Variants in POLR1E observed in about 807,000 individuals in gnomAD.
The protein encoded by POLR1E is RNA polymerase I subunit E.
A neutral mutation model predicts 50.9 loss-of-function variants in POLR1E; 37 were observed. That is an observed-to-expected ratio of 0.73 (90% confidence interval 0.56 to 0.96). POLR1E has a LOEUF of 0.96. Among genes scored for constraint, POLR1E ranks in the 40% least tolerant of loss-of-function variants. POLR1E has a pLI of 0.00. For missense variants in POLR1E, 426 were observed against 518.1 expected (o/e 0.82, Z 1.73); for synonymous variants, 166 against 191.6 (o/e 0.87, Z 1.10).
chr9:37,494,977 C>G (rs1314209048), intron 6 of POLR1E, among the ~76,000 whole-genome samples, 192 bp from the exon 7 acceptor site: 1 of 152,180 alleles, frequency 6.6e-6, no homozygotes, highest in Non-Finnish European at 1.5e-5. Flanking sequence ...CAGTGCCTAG[C>G]TTGTGTTTGT....
At chr9:37,495,357 G>A (rs138299677) in intron 7 of POLR1E, 81 bp downstream of exon 7, 1 of 1,156,776 alleles carries the variant, frequency 8.6e-7, no homozygotes, top group African/African-American at 1.5e-5. Flanking sequence ...TTCTCTGAGG[G>A]TGTCTGTGTT....
chr9:37,489,918 C>T (rs1820649888), intron 4 of POLR1E, among the ~76,000 whole-genome samples: 1 of 152,122 alleles, frequency 6.6e-6, no homozygotes, highest in Non-Finnish European at 1.5e-5. Flanking sequence ...CCTAATGTAC[C>T]AGGCACCAAG....
chr9:37,493,115 T>A (rs1010158632), intron 5 of POLR1E, among the ~76,000 whole-genome samples: 1 of 152,252 alleles, frequency 6.6e-6, no homozygotes, highest in Non-Finnish European at 1.5e-5. Flanking sequence ...CACCCCAAGA[T>A]GACAAACTGA....
chr9:37,491,846 A>G (rs1820690435), intron 4 of POLR1E, among the ~76,000 whole-genome samples: 1 of 152,202 alleles, frequency 6.6e-6, no homozygotes, highest in Non-Finnish European at 1.5e-5. Context: ...CTTTGCAAAC[A>G]TATATAACTA....
rs1472659002 is a variant in POLR1E at position 37,498,267 on chromosome 9, A to G, written c.886+43A>G. On this transcript the variant is annotated intron_variant, in intron 9 of 11. Transcript: ENST00000377798. ...ATTTTATTCTAATTGTTTCCAGTAT[A>G]TTATTTGTCTGTAATTCTTAGATGA... 3 of 1,572,840 alleles carry G rather than the reference A, an allele frequency of 1.9e-6. No homozygotes were observed. The Admixed American group carries it at 5.3e-5, about 28-fold the overall frequency.
At chr9:37,501,513 C>A (rs755293560) in intron 10 of POLR1E, among the ~76,000 whole-genome samples, 200 bp from the exon 11 acceptor site, 13 of 152,200 alleles carry the variant, frequency 8.5e-5, no homozygotes, top group Non-Finnish European at 1.8e-4. Context: ...CAGAGGGAAA[C>A]ATGGACTGGC....
intron 3 of POLR1E, among the ~76,000 whole-genome samples, chr9:37,488,964 T>C (rs10814545): frequency 0.26 from 40,092 of 151,936 alleles, 5,674 homozygotes; most frequent in African/African-American, 0.35. Flanking sequence ...CAGGGCCAGG[T>C]GCAGTGGCTC....
intron 4 of POLR1E, 44 bp downstream of exon 4, chr9:37,489,444 G>C: frequency 1.4e-6 from 2 of 1,383,624 alleles, no homozygotes; most frequent in Admixed American, 4.8e-5. Flanking sequence ...TGCATAGTTT[G>C]GGTTTGCTGG....
At position 37,498,191 on chromosome 9, in the gene POLR1E, A is replaced by G; in HGVS notation, c.853A>G (p.Lys285Glu). The stretch of plus-strand genomic sequence containing the variant: ...CATATGGTTTCTGGATACCCTCATC[A>G]AATTTCGAGCTCATAGGGTAGTTAA... ...RCIWFLDTLIKFRAHRVVKRK... is the reference protein window; with the variant it reads ...RCIWFLDTLIEFRAHRVVKRK... The change falls in exon 9 of 12, where the codon AAA (lysine) becomes GAA (glutamate). Residue 285 changes from lysine (K) to glutamate (E), a missense_variant. Coordinates refer to ENST00000377798, the MANE Select transcript of POLR1E (RefSeq NM_022490.4). 1 of 1,614,096 alleles carries G rather than the reference A, an allele frequency of 6.2e-7. No individual in the cohort carries two copies. Among genetic ancestry groups the G allele is most frequent in the Admixed American group, 1.7e-5 (1 of 60,018 alleles).
chr9:37,498,064 G>A, intron 8 of POLR1E, 27 bp from the exon 9 acceptor site: 2 of 1,608,696 alleles, frequency 1.2e-6, no homozygotes, highest in Non-Finnish European at 1.7e-6. Context: ...CCCTGACACA[G>A]GCCTCCTTTT....
chr9:37,495,204 G>A lies in POLR1E; in HGVS notation c.583G>A (p.Asp195Asn). 6.2e-7 allele frequency: 1 copy of A among 1,614,188 alleles called. No homozygotes were observed. ...VSDAIHNDLQ[D>N]DSLYLPPCYD... ...CGATGCTATCCACAATGACTTGCAA[G>A]ATGACTCCCTCTACCTTCCTCCCTG... is the stretch of plus-strand genomic sequence containing the variant. The change falls in exon 7 of 12, where the codon GAT (aspartate) becomes AAT (asparagine). Residue 195 changes from aspartate to asparagine, a missense_variant. Asp to Asn is a conservative substitution (Grantham distance 23). Coordinates refer to ENST00000377798, the MANE Select transcript of POLR1E (RefSeq NM_022490.4).
At chr9:37,489,257 G>A in intron 3 of POLR1E, 58 bp from the exon 4 acceptor site, 3 of 1,305,506 alleles carry the variant, frequency 2.3e-6, no homozygotes, top group Admixed American at 2.3e-5. Flanking sequence ...AAAGAAAGCT[G>A]TACAAATAAT....
intron 9 of POLR1E, among the ~76,000 whole-genome samples, chr9:37,499,882 G>A (rs1166941342): frequency 1.4e-5 from 2 of 147,480 alleles, no homozygotes; most frequent in African/African-American, 2.5e-5. Context: ...ACAGAGTCTC[G>A]CTCTGTCGCC....
chr9:37,496,028 T>G, intron 8 of POLR1E, 42 bp downstream of exon 8: 1 of 1,493,486 alleles, frequency 6.7e-7, no homozygotes, highest in Non-Finnish European at 9.3e-7. Flanking sequence ...GGAGTGCTGT[T>G]GGGACCCAAC....
chr9:37,492,149 G>C (rs1449907957), intron 4 of POLR1E: 1 of 668,178 alleles, frequency 1.5e-6, no homozygotes, highest in Non-Finnish European at 2.1e-6. Context: ...GGTGATGGCT[G>C]AGATAACAGG....
intron 9 of POLR1E, among the ~76,000 whole-genome samples, chr9:37,499,141 G>A (rs940871389): frequency 8.5e-5 from 13 of 152,168 alleles, no homozygotes; most frequent in Admixed American, 5.2e-4. Context: ...ATAATCTTAC[G>A]GGACTGGCTG....
At position 37,498,155 on chromosome 9, in the gene POLR1E, C is replaced by A; in HGVS notation, c.817C>A (p.Gln273Lys). The change falls in exon 9 of 12, where the codon CAG becomes AAG. Residue 273 changes from glutamine (Q) to lysine (K), a missense_variant. Transcript: ENST00000377798. Reference sequence around the variant, plus strand: ...ATCAGATGTGGAGAGCCGAGACCGCCAGGCCCGATGCATATGGTTTCTGGA... The same window carrying A: ...ATCAGATGTGGAGAGCCGAGACCGCAAGGCCCGATGCATATGGTTTCTGGA... ...LPSDVESRDR[Q>K]ARCIWFLDTL... 1 of 1,614,030 alleles carries A rather than the reference C, an allele frequency of 6.2e-7. No individual in the cohort carries two copies. The highest frequency in any genetic ancestry group is 8.5e-7 in the Non-Finnish European group (1 of 1,179,902).
chr9:37,503,204 C>A lies in POLR1E; in HGVS notation c.*2C>A. 9 of 1,600,842 alleles carry A rather than the reference C, an allele frequency of 5.6e-6. No individual in the cohort carries two copies. The highest frequency in any genetic ancestry group is 6.8e-6 in the Non-Finnish European group (8 of 1,174,434). On this transcript the variant is annotated 3_prime_UTR_variant, in exon 12 of 12. Transcript: ENST00000377798. ...GCAAAGCGGAGGAAGATTACCTAGA[C>A]GCATGCTTTCCAGACAGGGCGTTTT...
intron 9 of POLR1E, among the ~76,000 whole-genome samples, chr9:37,500,134 C>T (rs1820856037): frequency 6.6e-6 from 1 of 151,012 alleles, no homozygotes; most frequent in South Asian, 2.1e-4. Flanking sequence ...CAAGTGTGAG[C>T]CACTATGCCC....
Sources: allele counts gnomAD v4.1 joint callset (sites outside exome capture counted in the v4.1 genomes callset), GRCh38; gene constraint gnomAD v4.1.1; transcripts MANE v1.5; gene names NCBI Gene and HGNC (gene_info 2026-07-23, HGNC 2026-07-21).